Variants in BMP6 observed in about 807,000 individuals in gnomAD.
The protein encoded by BMP6 is bone morphogenetic protein 6, also known as VG-1-R.
BMP6 carries 17 observed loss-of-function variants against 54.1 expected under a neutral mutation model. The observed-to-expected ratio is 0.31, with a 90% confidence interval of 0.22 to 0.47. BMP6 has a LOEUF of 0.47. BMP6 is among the 20% of genes least tolerant of loss of function. The probability of loss-of-function intolerance (pLI) is 1.00; values close to 1 mark genes in which losing one functional copy is unlikely to be tolerated. For synonymous variants in BMP6, 328 were observed against 291.2 expected, an observed-to-expected ratio of 1.13 and a Z score of -1.28; for missense variants, 720 against 690.4, an observed-to-expected ratio of 1.04 and a Z score of -0.48.
intron 1 of BMP6, among the ~76,000 whole-genome samples, chr6:7,843,627 A>G (rs183930040): frequency 2.6e-5 from 4 of 152,254 alleles, no homozygotes; most frequent in Non-Finnish European, 1.5e-5. Flanking sequence ...TTTGGTTGCC[A>G]TTAAGGAAAA....
intron 1 of BMP6, among the ~76,000 whole-genome samples, chr6:7,749,223 G>A (rs1757387877): frequency 2.6e-5 from 4 of 152,340 alleles, no homozygotes; most frequent in Middle Eastern, 3.4e-3. Flanking sequence ...CGGATTGCCA[G>A]TATCAGGAAA....
At chr6:7,846,032 G>T (rs994801409) in intron 2 of BMP6, among the ~76,000 whole-genome samples, 1 of 152,182 alleles carries the variant, frequency 6.6e-6, no homozygotes, top group African/African-American at 2.4e-5. Context: ...AGAAGCCAAT[G>T]ACCTCGAATT....
At chr6:7,766,675 T>TA (rs1757695370) in intron 1 of BMP6, among the ~76,000 whole-genome samples, 1 of 152,230 alleles carries the variant, frequency 6.6e-6, no homozygotes, top group Non-Finnish European at 1.5e-5. Context: ...ATGTAATTCA[T>TA]AGACAATTTC....
At chr6:7,734,883 A>T (rs1384762788) in intron 1 of BMP6, among the ~76,000 whole-genome samples, 3 of 152,248 alleles carry the variant, frequency 2.0e-5, no homozygotes, top group South Asian at 2.1e-4. Context: ...TTTTTGCAGG[A>T]TGAGGTTCTG....
intron 1 of BMP6, among the ~76,000 whole-genome samples, chr6:7,790,144 C>G (rs1758074032): frequency 6.6e-6 from 1 of 152,232 alleles, no homozygotes; most frequent in African/African-American, 2.4e-5. Flanking sequence ...CTGCTCCTTT[C>G]CAGAAACCAC....
At chr6:7,865,613 G>T (rs1759409140) in intron 4 of BMP6, among the ~76,000 whole-genome samples, 1 of 152,162 alleles carries the variant, frequency 6.6e-6, no homozygotes, top group Non-Finnish European at 1.5e-5. Flanking sequence ...GGCCTGTCTG[G>T]TGTTCCTCTC....
At chr6:7,825,724 A>G (rs1758686223) in intron 1 of BMP6, among the ~76,000 whole-genome samples, 1 of 148,648 alleles carries the variant, frequency 6.7e-6, no homozygotes, top group East Asian at 1.9e-4. Flanking sequence ...CCATCTCGAA[A>G]AAAAAAAAAC....
chr6:7,797,607 C>G (rs10498672), intron 1 of BMP6, among the ~76,000 whole-genome samples: 19,646 of 152,160 alleles, frequency 0.13, 1,638 homozygotes, highest in Non-Finnish European at 0.18. Flanking sequence ...CACCACTGTT[C>G]TCATTGGACA....
Position 7,726,920 on chromosome 6 carries a change from TCG to T in BMP6, c.-33_-32del. 1 of 1,122,840 alleles carries T rather than the reference TCG, an allele frequency of 8.9e-7. No homozygotes were observed. The highest frequency in any genetic ancestry group is 1.1e-6 in the Non-Finnish European group (1 of 917,464). 69.6% of individuals were successfully genotyped at this position (1,122,840 alleles called of 1,614,324 possible). A position where few individuals can be genotyped will look rare whatever the true frequency, so the allele number is the denominator to read the frequency against. On this transcript the variant is annotated 5_prime_UTR_variant, in exon 1 of 7. Transcript: ENST00000283147. ...CGGCCTCGCTCCGCCGCTCCACGCC[TCG>T]CGGGATCCGCGGGGGCAGCCCGGCC...
At position 7,728,011 on chromosome 6, in the gene BMP6, A is replaced by G. The variant is rs201042896; in HGVS notation, c.664+392A>G. ...CAGCCCGAGTGTGGCCATCCTGGGA[A>G]GAGGGCTCTTCAGTACGATTTTCCC... On this transcript the variant is annotated intron_variant, in intron 1 of 6. Transcript: ENST00000283147. Among the ~76,000 whole-genome samples, 10 of 152,208 alleles carry G rather than the reference A, an allele frequency of 6.6e-5. No individual in the cohort carries two copies. In the East Asian group the frequency reaches 1.5e-3, roughly 24 times the overall value.
chr6:7,848,396 G>A (rs1285948579), intron 2 of BMP6, among the ~76,000 whole-genome samples: 2 of 152,128 alleles, frequency 1.3e-5, no homozygotes, highest in Non-Finnish European at 2.9e-5. Context: ...TAGCATTTCA[G>A]CAGACCACGA....
chr6:7,816,114 G>T (rs1758522107), intron 1 of BMP6, among the ~76,000 whole-genome samples: 1 of 152,212 alleles, frequency 6.6e-6, no homozygotes, highest in Non-Finnish European at 1.5e-5. Context: ...CTCCTAGGTT[G>T]CAAAGCCATC....
chr6:7,786,463 T>TTTTTG (rs1554120834), intron 1 of BMP6, among the ~76,000 whole-genome samples: 1 of 24,716 alleles, frequency 4.0e-5, no homozygotes, highest in Non-Finnish European at 7.4e-5. Context: ...TTAGTCTGTT[T>TTTTTG]TTTTTTTTTT....
rs1759670985 is a variant in BMP6, at chr6:7,879,268, G to T, written c.1281+118G>T. The T allele has an allele frequency of 5.5e-6, 6 of 1,100,162 alleles. No individual in the cohort carries two copies. In the African/African-American group the frequency reaches 6.2e-5, roughly 11 times the overall value. The allele number at this position is 1,100,162 out of a possible 1,614,324, so 68.2% of individuals were successfully genotyped here. A position where few individuals can be genotyped will look rare whatever the true frequency, so the allele number is the denominator to read the frequency against. ...ATTGAAGGCTGAGCTGCTTCCTTCT[G>T]TGGAAGTCCTGAGGAGCCCTCCCAA... On this transcript the variant is annotated intron_variant, in intron 5 of 6. Transcript: ENST00000283147.
chr6:7,879,893 G>A, intron 5 of BMP6, 98 bp from the exon 6 acceptor site: 1 of 1,224,736 alleles, frequency 8.2e-7, no homozygotes, highest in South Asian at 1.3e-5. Context: ...CCTTGCCTGT[G>A]CAATGTGAAA....
At chr6:7,870,071 G>A (rs914846774) in intron 4 of BMP6, among the ~76,000 whole-genome samples, 1 of 152,124 alleles carries the variant, frequency 6.6e-6, no homozygotes, top group Non-Finnish European at 1.5e-5. Context: ...CCTCCCATCC[G>A]CTGGACTCCA....
intron 1 of BMP6, among the ~76,000 whole-genome samples, chr6:7,741,093 G>A (rs998193532): frequency 6.6e-6 from 1 of 151,914 alleles, no homozygotes; most frequent in Admixed American, 6.6e-5. Flanking sequence ...CTGTGATTTT[G>A]CCTATTTACC....
In BMP6 at chr6:7,727,494, A is replaced by C. The variant is rs768493430; in HGVS notation, c.539A>C (p.His180Pro). Residue 180 changes from histidine (H) to proline (P), a missense_variant, in exon 1 of 7, where the codon CAC (histidine) becomes CCC (proline). His to Pro is a moderately conservative substitution (Grantham distance 77). This residue lies in a region of BMP6 where 650 missense variants were observed against 556.3 expected (regional missense o/e 1.17). Coordinates refer to ENST00000283147, the MANE Select transcript of BMP6 (RefSeq NM_001718.6). ...CGGCAGCCGCCCCCGGGCGCCGCGC[A>C]CCCGCTCAACCGCAAGAGCCTTCTG... ...QRRQPPPGAA[H>P]PLNRKSLLAP... 2 of 1,594,818 alleles carry C rather than the reference A, an allele frequency of 1.3e-6. No homozygotes were observed. Among genetic ancestry groups the C allele is most frequent in the Non-Finnish European group, 1.7e-6 (2 of 1,176,300 alleles).
Position 7,879,286 on chromosome 6 carries a change from C to G in BMP6, c.1281+136C>G, listed in dbSNP as rs889699236. 5 of 909,072 alleles carry G rather than the reference C, an allele frequency of 5.5e-6. No individual in the cohort carries two copies. In the African/African-American group the frequency reaches 8.3e-5, roughly 15 times the overall value. 56.3% of individuals were successfully genotyped at this position (909,072 alleles called of 1,614,324 possible). Reference sequence around the variant, plus strand: ...TCCTTCTGTGGAAGTCCTGAGGAGCCCTCCCAAATGCTCAGGCTCCTGGAG... The same window carrying G: ...TCCTTCTGTGGAAGTCCTGAGGAGCGCTCCCAAATGCTCAGGCTCCTGGAG... On this transcript the variant is annotated intron_variant, in intron 5 of 6. Transcript: ENST00000283147.
Sources: allele counts gnomAD v4.1 joint callset (sites outside exome capture counted in the v4.1 genomes callset), GRCh38; gene constraint gnomAD v4.1.1; regional missense constraint gnomAD v4.1.1; transcripts MANE v1.5; gene names NCBI Gene and HGNC (gene_info 2026-07-23, HGNC 2026-07-21).